ENOX1: variants seen among roughly 807,000 people sequenced by gnomAD.
ENOX1 encodes the protein candidate growth-related and time keeping constitutive hydroquinone (NADH) oxidase.
ENOX1 carries 42 observed loss-of-function variants against 82.5 expected under a neutral mutation model. That is an observed-to-expected ratio of 0.51 (90% CI 0.40 to 0.66). ENOX1 has a LOEUF of 0.66. ENOX1 is among the 30% of genes least tolerant of loss of function. ENOX1 has a pLI of 0.00. For synonymous variants in ENOX1, 271 were observed against 282.2 expected (o/e 0.96, Z 0.40); for missense variants, 608 against 811.6 (o/e 0.75, Z 3.05).
chr13:43,512,217 A>G (rs1439265644), intron 2 of ENOX1, among the ~76,000 whole-genome samples: 1 of 152,132 alleles, frequency 6.6e-6, no homozygotes, highest in Non-Finnish European at 1.5e-5. Flanking sequence ...CAGAGCCCAG[A>G]AAGCTAATTC....
At chr13:43,338,793 C>G (rs2048877761) in intron 9 of ENOX1, among the ~76,000 whole-genome samples, 1 of 144,212 alleles carries the variant, frequency 6.9e-6, no homozygotes, top group Admixed American at 7.3e-5. Context: ...TCACGCCATT[C>G]TCCTGCCTCA....
chr13:43,748,261 G>A (rs78427183), intron 1 of ENOX1, among the ~76,000 whole-genome samples: 50 of 152,212 alleles, frequency 3.3e-4, no homozygotes, highest in Non-Finnish European at 4.9e-4. Flanking sequence ...TACCAAAGAT[G>A]TCCCTAGCAC....
chr13:43,462,884 TA>T (rs5803178), intron 3 of ENOX1, among the ~76,000 whole-genome samples: 4 of 151,612 alleles, frequency 2.6e-5, no homozygotes, highest in Admixed American at 6.6e-5. Flanking sequence ...CTCTGGCAAT[TA>T]AAAAAAAATT....
In ENOX1 at chr13:43,378,412, T is replaced by C. The variant is rs555512954; in HGVS notation, c.209-16960A>G. 2.0e-4 allele frequency among the ~76,000 whole-genome samples: 31 copies of C among 152,290 alleles called. No individual in the cohort carries two copies. The South Asian group carries it at 5.6e-3, about 27-fold the overall frequency. The stretch of plus-strand genomic sequence containing the variant: ...CTCCCTGGAGATATAAAGCAAGTCT[T>C]GAGTTGAGAACTAATCAGTGTATGT... On this transcript the variant is annotated intron_variant, in intron 5 of 16. Transcript: ENST00000690772.
At chr13:43,220,619 C>T (rs944406903) in intron 16 of ENOX1, among the ~76,000 whole-genome samples, 1 of 152,138 alleles carries the variant, frequency 6.6e-6, no homozygotes. Flanking sequence ...TTCATTAGGT[C>T]CCTGGTAACC....
At chr13:43,291,414 T>C (rs1192972504) in intron 12 of ENOX1, among the ~76,000 whole-genome samples, 1 of 152,230 alleles carries the variant, frequency 6.6e-6, no homozygotes. Context: ...TTCAACCTCT[T>C]CATGTCACCT....
intron 1 of ENOX1, among the ~76,000 whole-genome samples, chr13:43,753,858 C>G (rs917683084): frequency 3.5e-5 from 5 of 141,376 alleles, no homozygotes; most frequent in African/African-American, 1.3e-4. Context: ...CGTCACCTTT[C>G]TTTTGGTCTT....
chr13:43,323,931 C>T (rs1299643725), intron 10 of ENOX1, among the ~76,000 whole-genome samples: 2 of 152,110 alleles, frequency 1.3e-5, no homozygotes, highest in Non-Finnish European at 2.9e-5. Flanking sequence ...CAACTCTGTA[C>T]CCTGGGAATC....
intron 2 of ENOX1, among the ~76,000 whole-genome samples, chr13:43,635,875 C>A (rs961445632): frequency 6.6e-6 from 1 of 152,132 alleles, no homozygotes; most frequent in African/African-American, 2.4e-5. Flanking sequence ...GGAACTAGGG[C>A]AAGATGCAGA....
At chr13:43,319,190 G>A (rs150843959) in intron 11 of ENOX1, among the ~76,000 whole-genome samples, 163 of 152,286 alleles carry the variant, frequency 1.1e-3, no homozygotes, top group Non-Finnish European at 1.8e-3. Flanking sequence ...CTTCTAGAAT[G>A]AATGCTTCAA....
At chr13:43,235,621 AC>A (rs2042502233) in intron 15 of ENOX1, among the ~76,000 whole-genome samples, 1 of 152,028 alleles carries the variant, frequency 6.6e-6, no homozygotes, top group African/African-American at 2.4e-5. Flanking sequence ...AATCCCAGCC[AC>A]TAGAGAGGCT....
chr13:43,693,507 C>T (rs774274982), intron 1 of ENOX1, among the ~76,000 whole-genome samples: 3 of 152,170 alleles, frequency 2.0e-5, no homozygotes, highest in African/African-American at 7.2e-5. Flanking sequence ...CTGAATCTTT[C>T]TCATACACAA....
chr13:43,653,709 G>C (rs1021560367), intron 2 of ENOX1, among the ~76,000 whole-genome samples: 1 of 152,114 alleles, frequency 6.6e-6, no homozygotes, highest in Non-Finnish European at 1.5e-5. Context: ...ACTCACTACA[G>C]AACTTGAGTA....
At chr13:43,575,502 A>T (rs2080382437) in intron 2 of ENOX1, among the ~76,000 whole-genome samples, 1 of 152,196 alleles carries the variant, frequency 6.6e-6, no homozygotes, top group African/African-American at 2.4e-5. Flanking sequence ...GAAGATTTCC[A>T]TAGGTAGTGT....
intron 11 of ENOX1, among the ~76,000 whole-genome samples, chr13:43,319,971 C>A (rs571811399): frequency 6.6e-6 from 1 of 152,152 alleles, no homozygotes; most frequent in African/African-American, 2.4e-5. Context: ...AAGAAGATAC[C>A]GCTGGAAGGT....
chr13:43,463,658 A>G (rs1455790576), intron 3 of ENOX1, among the ~76,000 whole-genome samples: 2 of 152,234 alleles, frequency 1.3e-5, no homozygotes, highest in African/African-American at 4.8e-5. Flanking sequence ...TGTTATTTAA[A>G]GGAAAAAATA....
intron 3 of ENOX1, among the ~76,000 whole-genome samples, chr13:43,466,502 A>ATTAT (rs2057726632): frequency 6.6e-6 from 1 of 152,190 alleles, no homozygotes; most frequent in Non-Finnish European, 1.5e-5. Flanking sequence ...GAAAAAGAAC[A>ATTAT]ACTACAAAAA....
rs2043204283 is a variant in ENOX1 at position 43,247,868 on chromosome 13, TATATATA to T, written c.1612-11137_1612-11131del. On this transcript the variant is annotated intron_variant, in intron 14 of 16. Coordinates refer to ENST00000690772, the MANE Select transcript of ENOX1 (RefSeq NM_001347969.2). ...ATATATATATATATATATATATATA[TATATATA>T]TATATATATTTTTTTTTTTTTTTTT... 3.8e-3 allele frequency among the ~76,000 whole-genome samples: 9 copies of T among 2,394 alleles called. 1 individual carries two copies. Among genetic ancestry groups the T allele is most frequent in the Admixed American group, 7.4e-3 (1 of 136 alleles). The allele number at this position is 2,394 out of a possible 152,430, so 1.6% of individuals were successfully genotyped here. A position where few individuals can be genotyped will look rare whatever the true frequency, so the allele number is the denominator to read the frequency against.
intron 3 of ENOX1, among the ~76,000 whole-genome samples, chr13:43,459,685 T>C (rs768651354): frequency 6.6e-6 from 1 of 152,124 alleles, no homozygotes; most frequent in Non-Finnish European, 1.5e-5. Context: ...AATCCTTTGT[T>C]TTCTCTTTGT....
Sources: gnomAD v4.1 joint callset for allele counts (sites outside exome capture counted in the v4.1 genomes callset) on GRCh38, gnomAD v4.1.1 for gene constraint, MANE v1.5 for transcripts, NCBI Gene and HGNC (gene_info 2026-07-23, HGNC 2026-07-21) for gene names.